Variants in DYNC2H1 observed in about 807,000 individuals in gnomAD.
The protein encoded by DYNC2H1 is dynein cytoplasmic 2 heavy chain 1.
In DYNC2H1, 410 loss-of-function variants were observed where a neutral mutation model predicts 570.0. The ratio of observed to expected loss-of-function variants is 0.72; its 90% CI spans 0.66 to 0.78. The LOEUF (loss-of-function observed/expected upper bound fraction) is 0.78, where lower values mean the gene tolerates loss of function less well. Ranked by LOEUF, DYNC2H1 falls within the 30% of genes least tolerant of loss-of-function variation. DYNC2H1 has a pLI of 0.00. For missense variants in DYNC2H1, 4,865 were observed against 5,046.4 expected (o/e 0.96, Z 1.09); for synonymous variants, 1,688 against 1,677.6 (o/e 1.01, Z -0.15).
Position 103,121,480 on chromosome 11 carries a change from G to C in DYNC2H1, c.1469G>C (p.Arg490Pro). The C allele has an allele frequency of 6.2e-7, 1 of 1,611,870 alleles. No homozygotes were observed. Among genetic ancestry groups the C allele is most frequent in the African/African-American group, 1.3e-5 (1 of 74,978 alleles). The change falls in exon 10 of 89, where the codon CGC (arginine) becomes CCC (proline). Residue 490 changes from arginine to proline, a missense_variant. Physicochemically the swap from Arg to Pro is moderately radical, Grantham distance 103. This residue lies in a region of DYNC2H1 where 1,936 missense variants were observed against 1,962.1 expected (regional missense o/e 0.99). Transcript: ENST00000375735. ...SEVVNSIVWV[R>P]QLELKVDDTI... ...GTTGTCAACAGTATAGTTTGGGTTC[G>C]CCAGTTGGAATTGAAGGTATTTATT...
chr11:103,410,798 TATAGCTTGGGTTCATTG>T (rs1943054333), intron 84 of DYNC2H1, among the ~76,000 whole-genome samples: 1 of 37,498 alleles, frequency 2.7e-5, no homozygotes, highest in Non-Finnish European at 5.0e-5. Flanking sequence ...GGGTTAATTG[TATAGCTTGGGTTCATTG>T]TATGGCCACA....
At position 103,472,787 on chromosome 11, in the gene DYNC2H1, A is replaced by G. The variant is rs1945428677; in HGVS notation, c.12765+4082A>G. Among the ~76,000 whole-genome samples, 1 of 152,180 alleles carries G rather than the reference A, an allele frequency of 6.6e-6. No homozygotes were observed. The highest frequency in any genetic ancestry group is 6.5e-5 in the Admixed American group (1 of 15,278). On this transcript the variant is annotated intron_variant, in intron 88 of 88. Coordinates refer to ENST00000375735, the MANE Select transcript of DYNC2H1 (RefSeq NM_001377.3). This position sits in a 1 kb window ranked among gnomAD's most constrained non-coding sequence, Gnocchi z 4.1. ...TTAAAAGATTATGTATTATTATATGATAATAATAAAATTCAGAACTTTGGT... is the reference window on the plus strand; with the variant it reads ...TTAAAAGATTATGTATTATTATATGGTAATAATAAAATTCAGAACTTTGGT...
chr11:103,386,450 C>CCACACACA (rs111771901), intron 83 of DYNC2H1, among the ~76,000 whole-genome samples: 24,569 of 150,718 alleles, frequency 0.16, 2,130 homozygotes, highest in Admixed American at 0.24. Context: ...TTAAAACACA[C>CCACACACA]CACACACACA....
At chr11:103,335,066 A>G (rs17100402) in intron 82 of DYNC2H1, among the ~76,000 whole-genome samples, 22,742 of 152,090 alleles carry the variant, frequency 0.15, 1,848 homozygotes, top group Admixed American at 0.25. Flanking sequence ...TTAAAATACC[A>G]TCTTTGGAAA....
chr11:103,219,871 C>G (rs781046200), intron 55 of DYNC2H1, 44 bp from the exon 56 acceptor site: 3 of 1,076,290 alleles, frequency 2.8e-6, no homozygotes, highest in East Asian at 5.9e-5. Flanking sequence ...TTTTAAATAT[C>G]AAGCATTAAA....
chr11:103,364,454 T>C (rs1198397309), intron 83 of DYNC2H1, among the ~76,000 whole-genome samples: 2 of 152,174 alleles, frequency 1.3e-5, no homozygotes, highest in African/African-American at 4.8e-5. Flanking sequence ...CCAACTTCTG[T>C]GTCATGTTGG....
At chr11:103,300,427 AT>A (rs1867001269) in intron 75 of DYNC2H1, among the ~76,000 whole-genome samples, 1 of 152,014 alleles carries the variant, frequency 6.6e-6, no homozygotes, top group South Asian at 2.1e-4. Flanking sequence ...ATAGTTTTGA[AT>A]GATTCATATT....
Position 103,122,985 on chromosome 11 carries a change from C to G in DYNC2H1, c.1646C>G (p.Ser549Cys). The change falls in exon 11 of 89, where the codon TCC becomes TGC. Residue 549 changes from serine to cysteine, a missense_variant. This residue lies in a region of DYNC2H1 where 1,936 missense variants were observed against 1,962.1 expected (regional missense o/e 0.99). Coordinates refer to ENST00000375735, the MANE Select transcript of DYNC2H1 (RefSeq NM_001377.3). ...SRDIQSGLSD[S>C]RSGLCIEASS... Reference sequence around the variant, plus strand: ...GATATTCAATCAGGTTTATCTGATTCCAGATCTGGTTTGTGGTAAGTATAG... The same window carrying G: ...GATATTCAATCAGGTTTATCTGATTGCAGATCTGGTTTGTGGTAAGTATAG... 1 of 1,530,912 alleles carries G rather than the reference C, an allele frequency of 6.5e-7. No individual in the cohort carries two copies. The highest frequency in any genetic ancestry group is 1.4e-5 in the African/African-American group (1 of 73,318). 94.8% of individuals were successfully genotyped at this position (1,530,912 alleles called of 1,614,324 possible). A position where few individuals can be genotyped will look rare whatever the true frequency, so the allele number is the denominator to read the frequency against.
intron 59 of DYNC2H1, 125 bp downstream of exon 59, chr11:103,223,211 T>C: frequency 3.3e-6 from 3 of 906,476 alleles, no homozygotes; most frequent in Non-Finnish European, 4.5e-6. Flanking sequence ...CTAAAATATA[T>C]GAATGAGTCA....
intron 78 of DYNC2H1, among the ~76,000 whole-genome samples, chr11:103,308,791 C>T (rs564004174): frequency 7.9e-5 from 12 of 152,156 alleles, no homozygotes; most frequent in South Asian, 2.1e-4. Flanking sequence ...ATATCTTATT[C>T]GGAGAAATGT....
At chr11:103,124,303 C>T (rs1254769513) in intron 11 of DYNC2H1, among the ~76,000 whole-genome samples, 2 of 151,604 alleles carry the variant, frequency 1.3e-5, no homozygotes, top group East Asian at 1.9e-4. Flanking sequence ...AAAAATTAGC[C>T]GAACATGGTG....
rs1862725497 is a variant in DYNC2H1 at position 103,201,690 on chromosome 11, G to A, written c.8197+1536G>A. ...CAGCAAACTGTGGTACTCTCCTGCTGTCTGTGGTGTTACCTGACCTTTTTG... is the reference window on the plus strand; with the variant it reads ...CAGCAAACTGTGGTACTCTCCTGCTATCTGTGGTGTTACCTGACCTTTTTG... On this transcript the variant is annotated intron_variant, in intron 50 of 88. Coordinates refer to ENST00000375735, the MANE Select transcript of DYNC2H1 (RefSeq NM_001377.3). The surrounding 1 kb of genome is among the most constrained non-coding windows in gnomAD (Gnocchi z 4.8). Among the ~76,000 whole-genome samples, 1 of 152,144 alleles carries A rather than the reference G, an allele frequency of 6.6e-6. No individual in the cohort carries two copies. Among genetic ancestry groups the A allele is most frequent in the African/African-American group, 2.4e-5 (1 of 41,424 alleles).
intron 35 of DYNC2H1, among the ~76,000 whole-genome samples, 186 bp downstream of exon 35, chr11:103,173,491 A>G (rs1214121582): frequency 6.6e-6 from 1 of 152,090 alleles, no homozygotes; most frequent in Non-Finnish European, 1.5e-5. Context: ...GTTCAAAACT[A>G]CTTGCTTTTC....
chr11:103,307,573 A>T (rs1025061173), intron 77 of DYNC2H1, 148 bp from the exon 78 acceptor site: 3 of 494,244 alleles, frequency 6.1e-6, no homozygotes, highest in African/African-American at 5.9e-5. Context: ...GAAAAGATAA[A>T]AATTTAAAGG....
At chr11:103,286,481 A>T in intron 74 of DYNC2H1, 95 bp downstream of exon 74, 1 of 1,419,612 alleles carries the variant, frequency 7.0e-7, no homozygotes. Flanking sequence ...TTAGAGTGTT[A>T]CTTTACCTTT....
intron 65 of DYNC2H1, among the ~76,000 whole-genome samples, chr11:103,248,124 A>C (rs1864688457): frequency 6.6e-6 from 1 of 152,032 alleles, no homozygotes. Flanking sequence ...GCTGTAACGC[A>C]AGCAGTTGGT....
chr11:103,325,630 T>G lies in DYNC2H1; in HGVS notation c.12039+1640T>G, dbSNP rs1368703324. 6.6e-6 allele frequency among the ~76,000 whole-genome samples: 1 copy of G among 152,212 alleles called. No homozygotes were observed. The highest frequency in any genetic ancestry group is 1.5e-5 in the Non-Finnish European group (1 of 68,030). On this transcript the variant is annotated intron_variant, in intron 82 of 88. Coordinates refer to ENST00000375735, the MANE Select transcript of DYNC2H1 (RefSeq NM_001377.3). This position sits in a 1 kb window ranked among gnomAD's most constrained non-coding sequence, Gnocchi z 4.8. ...TTCACCTGTATACTGCTGTTAATAC[T>G]TCTGATTGTATTATGAAATTCTTGT...
intron 82 of DYNC2H1, among the ~76,000 whole-genome samples, chr11:103,354,840 T>C (rs2135518326): frequency 6.6e-6 from 1 of 151,368 alleles, no homozygotes; most frequent in African/African-American, 2.4e-5. Context: ...GTTCTCCAAT[T>C]ACATTGTGCA....
chr11:103,243,876 G>C lies in DYNC2H1; in HGVS notation c.9918+85G>C. The C allele has an allele frequency of 1.9e-6, 2 of 1,051,388 alleles. No homozygotes were observed. The highest frequency in any genetic ancestry group is 2.7e-6 in the Non-Finnish European group (2 of 728,522). 65.1% of individuals were successfully genotyped at this position (1,051,388 alleles called of 1,614,324 possible). A position where few individuals can be genotyped will look rare whatever the true frequency, so the allele number is the denominator to read the frequency against. On this transcript the variant is annotated intron_variant, in intron 64 of 88. Coordinates refer to ENST00000375735, the MANE Select transcript of DYNC2H1 (RefSeq NM_001377.3). The surrounding 1 kb of genome is among the most constrained non-coding windows in gnomAD (Gnocchi z 4.8). The stretch of plus-strand genomic sequence containing the variant: ...TTGGAGTCTATAATCAGAAAACATA[G>C]ATTCAACACTGGGTCCTACTGTATG...
Sources: gnomAD v4.1 joint callset for allele counts (sites outside exome capture counted in the v4.1 genomes callset) on GRCh38, gnomAD v4.1.1 for gene constraint, gnomAD v4.1.1 regional missense constraint, Gnocchi (gnomAD v3.1) non-coding constraint, MANE v1.5 for transcripts, NCBI Gene and HGNC (gene_info 2026-07-23, HGNC 2026-07-21) for gene names.